BAZ1A: variants seen among roughly 807,000 people sequenced by gnomAD.
The protein encoded by BAZ1A is bromodomain adjacent to zinc finger domain 1A.
A neutral mutation model predicts 185.2 loss-of-function variants in BAZ1A; 50 were observed. That is an observed-to-expected ratio of 0.27 (90% CI 0.22 to 0.34). The LOEUF is 0.34. Among genes scored for constraint, BAZ1A ranks in the 10% least tolerant of loss-of-function variants. BAZ1A has a pLI of 1.00. For synonymous variants in BAZ1A, 571 were observed against 615.6 expected, an observed-to-expected ratio of 0.93 and a Z score of 1.07; for missense variants, 1,356 against 1,839.9, an observed-to-expected ratio of 0.74 and a Z score of 4.81.
chr14:34,762,476 TTTTC>T lies in BAZ1A; in HGVS notation c.3777-257_3777-254del, dbSNP rs201884515. 6.4e-3 allele frequency among the ~76,000 whole-genome samples: 943 copies of T among 147,660 alleles called. 17 individuals are homozygous for T. The highest frequency in any genetic ancestry group is 0.023 in the African/African-American group (906 of 39,554). ...AGAGAATATTTTATGTTTTCTTTTCTTTTCTTTATTTTTTTTTTTTGAGACAGAG... is the reference window on the plus strand; with the variant it reads ...AGAGAATATTTTATGTTTTCTTTTCTTTTATTTTTTTTTTTTGAGACAGAG... On this transcript the variant is annotated intron_variant, in intron 23 of 26. Transcript: ENST00000360310.
chr14:34,762,344 T>TAGGATAAGTCTCAGTTA, intron 23 of BAZ1A, 121 bp from the exon 24 acceptor site: 2 of 882,440 alleles, frequency 2.3e-6, no homozygotes, highest in Non-Finnish European at 1.7e-6. Context: ...TAACTGAGAC[T>TAGGATAAGTCTCAGTTA]TATCCTAGAC....
chr14:34,807,537 G>A lies in BAZ1A; in HGVS notation c.640C>T (p.Arg214Trp). Residue 214 changes from arginine (R) to tryptophan (W), a missense_variant and splice_region_variant, in exon 6 of 27, where the codon CGG becomes TGG. Physicochemically the swap from Arg to Trp is moderately radical, Grantham distance 101. Coordinates refer to ENST00000360310, the MANE Select transcript of BAZ1A (RefSeq NM_013448.3). ...SAIVKATQIS[R>W]RKHLFSRDKL... is the part of the protein sequence containing the mutation. The stretch of plus-strand genomic sequence containing the variant: ...TCACGAGAAAATAGGTGTTTTCTCC[G>A]GCTACAGGAGGCAAGGAAGTCAAAG... 4 of 1,609,424 alleles carry A rather than the reference G, an allele frequency of 2.5e-6. No homozygotes were observed. Among genetic ancestry groups the A allele is most frequent in the Non-Finnish European group, 3.4e-6 (4 of 1,176,876 alleles).
At chr14:34,842,935 C>T (rs756585682) in intron 3 of BAZ1A, among the ~76,000 whole-genome samples, 11 of 151,778 alleles carry the variant, frequency 7.2e-5, no homozygotes, top group Non-Finnish European at 1.6e-4. Context: ...GGCTCATTCA[C>T]ATTTGAGGGG....
intron 20 of BAZ1A, among the ~76,000 whole-genome samples, chr14:34,771,986 G>A (rs947626662): frequency 2.6e-5 from 4 of 151,638 alleles, no homozygotes; most frequent in Non-Finnish European, 4.4e-5. Flanking sequence ...AGACAGTCTC[G>A]CACTGTTGCC....
intron 2 of BAZ1A, among the ~76,000 whole-genome samples, chr14:34,866,443 G>A (rs1451847291): frequency 1.5e-5 from 2 of 133,358 alleles, no homozygotes; most frequent in East Asian, 4.2e-4. Flanking sequence ...AGCCAAGATC[G>A]CACCATTGCA....
chr14:34,808,356 G>A (rs2041880164), intron 5 of BAZ1A, among the ~76,000 whole-genome samples: 1 of 151,870 alleles, frequency 6.6e-6, no homozygotes, highest in Non-Finnish European at 1.5e-5. Flanking sequence ...AATTAGCTGG[G>A]CGGTAGTGGC....
At chr14:34,785,057 T>C (rs1330833037) in intron 14 of BAZ1A, among the ~76,000 whole-genome samples, 2 of 152,162 alleles carry the variant, frequency 1.3e-5, no homozygotes, top group African/African-American at 4.8e-5. Flanking sequence ...TGTTTCACCA[T>C]GTTGGCCAGG....
At chr14:34,759,184 T>TTTTTTG (rs1555336963) in intron 24 of BAZ1A, among the ~76,000 whole-genome samples, 2 of 108,028 alleles carry the variant, frequency 1.9e-5, no homozygotes, top group Admixed American at 1.1e-4. Flanking sequence ...TTTTTTTTTT[T>TTTTTTG]TTTTTTTTTT....
chr14:34,790,716 A>G (rs1000186282), intron 12 of BAZ1A, among the ~76,000 whole-genome samples: 9 of 152,186 alleles, frequency 5.9e-5, no homozygotes, highest in African/African-American at 2.2e-4. Context: ...ATTTTCAAAC[A>G]GAGCATTAAA....
intron 3 of BAZ1A, among the ~76,000 whole-genome samples, chr14:34,848,570 C>A (rs1219761534): frequency 2.0e-5 from 3 of 152,130 alleles, no homozygotes; most frequent in Non-Finnish European, 4.4e-5. Flanking sequence ...CCACTCCAGC[C>A]TGGGCGACAG....
intron 7 of BAZ1A, among the ~76,000 whole-genome samples, chr14:34,802,535 G>T (rs934181184): frequency 6.6e-6 from 1 of 152,132 alleles, no homozygotes; most frequent in Non-Finnish European, 1.5e-5. Context: ...CTTCCTGTCA[G>T]AATTTATTGC....
intron 3 of BAZ1A, among the ~76,000 whole-genome samples, chr14:34,861,085 A>G (rs1272964787): frequency 2.6e-5 from 4 of 152,184 alleles, no homozygotes; most frequent in African/African-American, 9.6e-5. Flanking sequence ...TGATTCTTCA[A>G]ATAAGATAAT....
chr14:34,874,169 G>A lies in BAZ1A; in HGVS notation c.113+323C>T, dbSNP rs978359354. Among the ~76,000 whole-genome samples the A allele has an allele frequency of 6.6e-6, 1 of 151,998 alleles. No homozygotes were observed. Among genetic ancestry groups the A allele is most frequent in the Non-Finnish European group, 1.5e-5 (1 of 67,936 alleles). On this transcript the variant is annotated intron_variant, in intron 2 of 26. Transcript: ENST00000360310. This position sits in a 1 kb window ranked among gnomAD's most constrained non-coding sequence, Gnocchi z 4.7. The stretch of plus-strand genomic sequence containing the variant: ...TGCGCGTGTGGCCGCGGCGGGGAGG[G>A]GCGAGGCGGGGAGTTTCCGCCGCCC...
intron 14 of BAZ1A, among the ~76,000 whole-genome samples, chr14:34,785,261 T>G (rs1341248464): frequency 6.6e-6 from 1 of 152,152 alleles, no homozygotes; most frequent in African/African-American, 2.4e-5. Flanking sequence ...TCTAAAAGAC[T>G]GCACAAAAAA....
At chr14:34,793,945 A>T (rs1391661337) in intron 11 of BAZ1A, among the ~76,000 whole-genome samples, 1 of 151,860 alleles carries the variant, frequency 6.6e-6, no homozygotes, top group Non-Finnish European at 1.5e-5. Context: ...CCGTCTCAAA[A>T]AGAAAAAAAA....
chr14:34,825,308 C>CCGGG (rs1206589358), intron 4 of BAZ1A, among the ~76,000 whole-genome samples: 1 of 151,642 alleles, frequency 6.6e-6, no homozygotes, highest in Non-Finnish European at 1.5e-5. Flanking sequence ...ACAAAATTAG[C>CCGGG]CGGGCGTGGT....
chr14:34,861,938 G>T (rs1049362556), intron 3 of BAZ1A, 106 bp downstream of exon 3: 2 of 1,291,226 alleles, frequency 1.5e-6, no homozygotes, highest in Non-Finnish European at 2.2e-6. Context: ...AGAATAGCTA[G>T]AGCATAGTAA....
chr14:34,777,954 G>A (rs1879759711), intron 17 of BAZ1A, among the ~76,000 whole-genome samples: 1 of 152,116 alleles, frequency 6.6e-6, no homozygotes. Context: ...TGGCGCCACT[G>A]CACATCCCAG....
chr14:34,797,335 A>G (rs1881251764), intron 9 of BAZ1A, among the ~76,000 whole-genome samples: 1 of 151,982 alleles, frequency 6.6e-6, no homozygotes, highest in South Asian at 2.1e-4. Context: ...CGAGGCGGGC[A>G]GATCACTTGA....
Sources: gnomAD v4.1 joint callset for allele counts (sites outside exome capture counted in the v4.1 genomes callset) on GRCh38, gnomAD v4.1.1 for gene constraint, Gnocchi (gnomAD v3.1) non-coding constraint, MANE v1.5 for transcripts, NCBI Gene and HGNC (gene_info 2026-07-23, HGNC 2026-07-21) for gene names.